The following SPRED2 variants were observed in gnomAD, a reference collection of about 807,000 sequenced individuals.
SPRED2 encodes the protein sprouty-related, EVH1 domain-containing protein 2.
In SPRED2, 47 loss-of-function variants were observed where a neutral mutation model predicts 43.0. That is an observed-to-expected ratio of 1.09 (90% CI 0.87 to 1.40). The LOEUF is 1.40. SPRED2 is among the 40% of genes most tolerant of loss of function. The pLI is 0.00. For missense variants in SPRED2, 561 were observed against 586.4 expected (o/e 0.96, Z 0.45); for synonymous variants, 225 against 225.7 (o/e 1.00, Z 0.03).
At chr2:65,397,342 C>T (rs948221544) in intron 1 of SPRED2, among the ~76,000 whole-genome samples, 5 of 152,138 alleles carry the variant, frequency 3.3e-5, no homozygotes, top group African/African-American at 1.2e-4. Context: ...CCTCACCGCC[C>T]CCATCCTGAA....
intron 1 of SPRED2, among the ~76,000 whole-genome samples, chr2:65,397,855 C>A (rs1230490312): frequency 6.6e-6 from 1 of 151,932 alleles, no homozygotes; most frequent in Admixed American, 6.6e-5. Flanking sequence ...ATCAAAATAC[C>A]ACCATTATTC....
At position 65,432,316 on chromosome 2, in the gene SPRED2, C is replaced by G. The variant is rs1017120426; in HGVS notation, c.-329G>C. 1.1e-5 allele frequency: 3 copies of G among 268,328 alleles called. No individual in the cohort carries two copies. The highest frequency in any genetic ancestry group is 6.8e-5 in the African/African-American group (3 of 43,950). The allele number at this position is 268,328 out of a possible 1,614,324, so 16.6% of individuals were successfully genotyped here. ...GGGGAGAGCAGGAGAAAAACAAGCG[C>G]GCCTCGGAGCGGCAGGGACTGCTGC... On this transcript the variant is annotated 5_prime_UTR_variant, in exon 1 of 6. Transcript: ENST00000356388.
At chr2:65,368,711 T>C (rs182704485) in intron 1 of SPRED2, among the ~76,000 whole-genome samples, 2 of 152,330 alleles carry the variant, frequency 1.3e-5, no homozygotes, top group Non-Finnish European at 2.9e-5. Flanking sequence ...TCTGTAATTA[T>C]GAACTGTTTC....
chr2:65,393,855 T>C (rs985280719), intron 1 of SPRED2, among the ~76,000 whole-genome samples: 9 of 152,136 alleles, frequency 5.9e-5, no homozygotes, highest in African/African-American at 2.2e-4. Flanking sequence ...AGGCTACTCT[T>C]GATAATGGAA....
Position 65,332,064 on chromosome 2 carries a change from A to C in SPRED2, c.374-13T>G. 2 of 1,582,596 alleles carry C rather than the reference A, an allele frequency of 1.3e-6. No individual in the cohort carries two copies. Among genetic ancestry groups the C allele is most frequent in the Non-Finnish European group, 1.7e-6 (2 of 1,156,352 alleles). ...GACGTTGTTGAACCTAAAAAGACAA[A>C]AATGTAATAAAAAGTGTTTCCCAAG... is the stretch of plus-strand genomic sequence containing the variant. On this transcript the variant is annotated splice_polypyrimidine_tract_variant and intron_variant, in intron 3 of 5. Coordinates refer to ENST00000356388, the MANE Select transcript of SPRED2 (RefSeq NM_181784.3).
At chr2:65,341,878 A>G (rs2104254090) in intron 2 of SPRED2, among the ~76,000 whole-genome samples, 1 of 152,224 alleles carries the variant, frequency 6.6e-6, no homozygotes, top group South Asian at 2.1e-4. Context: ...TAACCCTAAA[A>G]ACAAAAAGAC....
At chr2:65,409,718 T>G (rs1427468977) in intron 1 of SPRED2, among the ~76,000 whole-genome samples, 1 of 143,790 alleles carries the variant, frequency 7.0e-6, no homozygotes, top group Admixed American at 6.8e-5. Context: ...AAAAAAGAAT[T>G]TTGTGTTCTG....
chr2:65,397,285 G>C (rs1216766286), intron 1 of SPRED2, among the ~76,000 whole-genome samples: 1 of 152,142 alleles, frequency 6.6e-6, no homozygotes, highest in Non-Finnish European at 1.5e-5. Context: ...AAATGACTCA[G>C]GCCTGTCACA....
chr2:65,381,160 G>C (rs904840310), intron 1 of SPRED2, among the ~76,000 whole-genome samples: 7 of 152,166 alleles, frequency 4.6e-5, no homozygotes, highest in African/African-American at 1.7e-4. Context: ...ACCTCACCAA[G>C]TTAGCCCAGC....
In SPRED2 at chr2:65,313,958, G is replaced by C. The variant is rs1158603838; in HGVS notation, c.800C>G (p.Pro267Arg). The C allele has an allele frequency of 6.2e-7, 1 of 1,612,460 alleles. No individual in the cohort carries two copies. The highest frequency in any genetic ancestry group is 8.5e-7 in the Non-Finnish European group (1 of 1,180,014). The change falls in exon 6 of 6, where the codon CCC becomes CGC. Residue 267 changes from proline to arginine, a missense_variant. This residue lies in a region of SPRED2 where 164 missense variants were observed against 164.1 expected (regional missense o/e 1.00). Transcript: ENST00000356388. Reference protein sequence around the residue: ...GEVPKHDYNYPYVDSSDFGLG... With the variant: ...GEVPKHDYNYRYVDSSDFGLG... Reference sequence around the variant, plus strand: ...GCCAAAGTCTGAGGAGTCCACGTAGGGGTAGTTGTAGTCATGCTTGGGGAC... The same window carrying C: ...GCCAAAGTCTGAGGAGTCCACGTAGCGGTAGTTGTAGTCATGCTTGGGGAC...
At chr2:65,307,316 T>C (rs1672961908), downstream of SPRED2, among the ~76,000 whole-genome samples, 1 of 152,154 alleles carries the variant, frequency 6.6e-6, no homozygotes, top group Non-Finnish European at 1.5e-5. Context: ...GTGCCTCAGC[T>C]TCCTGAGTAG....
At chr2:65,362,192 G>C (rs1674832314) in intron 1 of SPRED2, among the ~76,000 whole-genome samples, 1 of 152,190 alleles carries the variant, frequency 6.6e-6, no homozygotes, top group African/African-American at 2.4e-5. Context: ...CTCATCCCAA[G>C]CCAAAAGCTC....
In SPRED2 at chr2:65,313,920, G is replaced by T. The variant is rs185022418; in HGVS notation, c.838C>A (p.Pro280Thr). 1.9e-6 allele frequency: 3 copies of T among 1,610,824 alleles called. No individual in the cohort carries two copies. The East Asian group carries it at 6.7e-5, about 36-fold the overall frequency. ...ATCACGCTGCCCCCGCGGCCTTTGG[G>T]GTCCTCGCCTAGGCCAAAGTCTGAG... ...DSSDFGLGED[P>T]KGRGGSVIKT... The change falls in exon 6 of 6, where the codon CCC becomes ACC. Residue 280 changes from proline to threonine, a missense_variant. Transcript: ENST00000356388.
chr2:65,330,068 C>G (rs1673765552), intron 4 of SPRED2, among the ~76,000 whole-genome samples: 1 of 152,228 alleles, frequency 6.6e-6, no homozygotes, highest in South Asian at 2.1e-4. Flanking sequence ...GCCTCACCCC[C>G]AGCGAGGACT....
intron 4 of SPRED2, among the ~76,000 whole-genome samples, chr2:65,324,510 C>G (rs1000650094): frequency 2.0e-5 from 3 of 152,168 alleles, no homozygotes; most frequent in South Asian, 2.1e-4. Flanking sequence ...AGCCAGCTCC[C>G]TCCTGCTGTA....
intron 1 of SPRED2, among the ~76,000 whole-genome samples, chr2:65,423,772 C>T (rs1472140572): frequency 7.0e-6 from 1 of 143,742 alleles, no homozygotes; most frequent in Non-Finnish European, 1.5e-5. Context: ...CTCATTTATG[C>T]TTTTTTTTTT....
At chr2:65,385,985 A>T (rs2103665252) in intron 1 of SPRED2, among the ~76,000 whole-genome samples, 1 of 152,252 alleles carries the variant, frequency 6.6e-6, no homozygotes, top group South Asian at 2.1e-4. Flanking sequence ...ATGATATTGT[A>T]TCAGAAAGCA....
intron 1 of SPRED2, chr2:65,377,504 GTC>G: frequency 2.2e-6 from 1 of 457,220 alleles, no homozygotes; most frequent in Non-Finnish European, 4.6e-6. Context: ...AAGCTGCAGC[GTC>G]TGACTCTAAG....
intron 3 of SPRED2, among the ~76,000 whole-genome samples, chr2:65,333,333 G>A (rs549714769): frequency 2.0e-5 from 3 of 151,438 alleles, no homozygotes; most frequent in African/African-American, 7.3e-5. Flanking sequence ...TGCTCAGAAA[G>A]GATGAGAAAT....
Sources: gnomAD v4.1 joint callset for allele counts (sites outside exome capture counted in the v4.1 genomes callset) on GRCh38, gnomAD v4.1.1 for gene constraint, gnomAD v4.1.1 regional missense constraint, MANE v1.5 for transcripts, NCBI Gene and HGNC (gene_info 2026-07-23, HGNC 2026-07-21) for gene names.